The following TPO variants were observed in gnomAD, a reference collection of about 807,000 sequenced individuals.
TPO encodes the protein thyroid peroxidase, also known as thyroid microsomal antigen.
Under a neutral mutation model 96.9 loss-of-function variants are expected in TPO, and 78 were observed. The observed-to-expected ratio is 0.81, with a 90% CI of 0.67 to 0.97. The LOEUF (loss-of-function observed/expected upper bound fraction) is 0.97. TPO is among the 50% of genes least tolerant of loss of function. The pLI is 0.00. For missense variants in TPO, 1,252 were observed against 1,274.8 expected (o/e 0.98, Z 0.27); for synonymous variants, 547 against 538.0 (o/e 1.02, Z -0.23).
intron 1 of TPO, among the ~76,000 whole-genome samples, chr2:1,390,385 T>C (rs1157493476): frequency 6.6e-6 from 1 of 152,204 alleles, no homozygotes; most frequent in African/African-American, 2.4e-5. Flanking sequence ...CCATGGTGTA[T>C]ATGTGCCACA....
intron 1 of TPO, among the ~76,000 whole-genome samples, chr2:1,387,324 T>A (rs1475312823): frequency 6.6e-6 from 1 of 152,256 alleles, no homozygotes; most frequent in Non-Finnish European, 1.5e-5. Flanking sequence ...TTGGTTCCAT[T>A]GTCCCCATCA....
chr2:1,394,242 T>C (rs998838831), intron 1 of TPO, among the ~76,000 whole-genome samples: 4 of 152,214 alleles, frequency 2.6e-5, no homozygotes, highest in African/African-American at 4.8e-5. Context: ...ACACAAATAT[T>C]GACATCTTAT....
intron 14 of TPO, among the ~76,000 whole-genome samples, chr2:1,509,282 T>C (rs2125036563): frequency 6.6e-6 from 1 of 152,320 alleles, no homozygotes; most frequent in African/African-American, 2.4e-5. Context: ...TTACATCTGC[T>C]GAGGAGAGGC....
chr2:1,384,005 T>A (rs1230250302), intron 1 of TPO, among the ~76,000 whole-genome samples: 2 of 152,244 alleles, frequency 1.3e-5, no homozygotes, highest in East Asian at 3.8e-4. Context: ...TTTTGTCAGG[T>A]TTGTCAAAGA....
At position 1,513,153 on chromosome 2, in the gene TPO, C is replaced by T. The variant is rs1481039292; in HGVS notation, c.2519-3730C>T. On this transcript the variant is annotated intron_variant, in intron 14 of 16. Transcript: ENST00000329066. ...AGCTCTGTCACTGCTGGCTGGAACA[C>T]CCAAAAGGGTGATGGACATGGCTGT... Among the ~76,000 whole-genome samples, 3 of 152,226 alleles carry T rather than the reference C, an allele frequency of 2.0e-5. 1 individual carries two copies. The highest frequency in any genetic ancestry group is 6.5e-5 in the Admixed American group (1 of 15,280).
chr2:1,530,152 A>C (rs1270515786), intron 15 of TPO, among the ~76,000 whole-genome samples: 3 of 36,042 alleles, frequency 8.3e-5, no homozygotes, highest in Non-Finnish European at 4.7e-5. Flanking sequence ...CTCCCCCACT[A>C]TGTGCAACCT....
chr2:1,419,356 C>T (rs1037845354), intron 2 of TPO, among the ~76,000 whole-genome samples: 2 of 152,240 alleles, frequency 1.3e-5, no homozygotes, highest in Non-Finnish European at 2.9e-5. Context: ...GAAGGAAGGG[C>T]GCTGCAGAGC....
At chr2:1,393,973 A>G (rs1662042835) in intron 1 of TPO, among the ~76,000 whole-genome samples, 1 of 152,216 alleles carries the variant, frequency 6.6e-6, no homozygotes, top group African/African-American at 2.4e-5. Context: ...GTTGATGTTT[A>G]TGTGTCAAGG....
In TPO at chr2:1,493,055, G is replaced by A. The variant is rs76281079; in HGVS notation, c.1769-747G>A. ...GACCATGGACGGGGGCCTGGGCAGG[G>A]AGCAGCTGAGGCGTGGGTCAGTGAG... On this transcript the variant is annotated intron_variant, in intron 10 of 16. Transcript: ENST00000329066. Among the ~76,000 whole-genome samples the A allele has an allele frequency of 3.5e-3, 527 of 152,234 alleles. 1 individual carries two copies. The highest frequency in any genetic ancestry group is 0.017 in the Middle Eastern group (5 of 294).
At chr2:1,380,624 A>G (rs1045592519) in intron 1 of TPO, among the ~76,000 whole-genome samples, 4 of 152,178 alleles carry the variant, frequency 2.6e-5, no homozygotes, top group Non-Finnish European at 4.4e-5. Context: ...TTACCTAAAA[A>G]CTGAAGTGAC....
chr2:1,465,002 A>G (rs1005889532), intron 7 of TPO, among the ~76,000 whole-genome samples: 13 of 152,274 alleles, frequency 8.5e-5, no homozygotes, highest in African/African-American at 2.4e-4. Context: ...AATTTTTCCA[A>G]TGTTATCTTC....
At chr2:1,513,155 C>A (rs577784675) in intron 14 of TPO, among the ~76,000 whole-genome samples, 1 of 152,222 alleles carries the variant, frequency 6.6e-6, no homozygotes, top group Non-Finnish European at 1.5e-5. Flanking sequence ...CTGGAACACC[C>A]AAAAGGGTGA....
intron 1 of TPO, among the ~76,000 whole-genome samples, chr2:1,393,614 T>TC (rs1662037623): frequency 2.0e-5 from 3 of 152,094 alleles, no homozygotes; most frequent in Admixed American, 1.3e-4. Flanking sequence ...TCAATGCTCT[T>TC]CCAAATAAGG....
intron 1 of TPO, among the ~76,000 whole-genome samples, chr2:1,400,036 T>G (rs1030724988): frequency 1.3e-5 from 2 of 152,228 alleles, no homozygotes; most frequent in African/African-American, 2.4e-5. Context: ...GTGGACATTC[T>G]TGACCTTTAT....
chr2:1,467,107 A>AT lies in TPO; in HGVS notation c.820-9966dup, dbSNP rs556928051. 7.3e-3 allele frequency among the ~76,000 whole-genome samples: 1,064 copies of AT among 146,270 alleles called. 13 individuals are homozygous for AT. The highest frequency in any genetic ancestry group is 0.023 in the African/African-American group (921 of 40,054). The stretch of plus-strand genomic sequence containing the variant: ...TCATTATTGTCATTCAGTTCAAAGA[A>AT]TTTTTTTTTTTTTGAGATGGAGTTT... On this transcript the variant is annotated intron_variant, in intron 7 of 16. Transcript: ENST00000329066.
chr2:1,406,126 G>A lies in TPO; in HGVS notation n.180+31724G>A, dbSNP rs562083131. Among the ~76,000 whole-genome samples the A allele has an allele frequency of 3.9e-5, 6 of 152,310 alleles. No individual in the cohort carries two copies. The South Asian group carries it at 1.2e-3, about 32-fold the overall frequency. ...AACGCACATTGCATCATTTTCTGGG[G>A]AAGCTCAATGCCTGCAAGTTGGGAG... On this transcript the variant is annotated intron_variant and non_coding_transcript_variant, in intron 1 of 5. Transcript: ENST00000497517.
upstream of TPO, among the ~76,000 whole-genome samples, chr2:1,412,714 T>C (rs1328828264): frequency 2.6e-5 from 4 of 152,110 alleles, no homozygotes; most frequent in Non-Finnish European, 5.9e-5. Flanking sequence ...TAGAAACCCA[T>C]AGGACTTCCG....
Position 1,390,010 on chromosome 2 carries a change from CTTTCT to C in TPO, n.180+15617_180+15621del, listed in dbSNP as rs1176954868. Among the ~76,000 whole-genome samples the C allele has an allele frequency of 1.2e-4, 18 of 145,226 alleles. No individual in the cohort carries two copies. The South Asian group carries it at 3.1e-3, about 25-fold the overall frequency. On this transcript the variant is annotated intron_variant and non_coding_transcript_variant, in intron 1 of 5. Transcript: ENST00000497517. ...CATACAAGAGGTTAAGTGGTTATTTCTTTCTTTTCTTTTTTTTTTTTTTTAATACT... is the reference window on the plus strand; with the variant it reads ...CATACAAGAGGTTAAGTGGTTATTTCTTTCTTTTTTTTTTTTTTTAATACT...
At chr2:1,536,750 C>A (rs1389113340) in intron 15 of TPO, among the ~76,000 whole-genome samples, 1 of 124,462 alleles carries the variant, frequency 8.0e-6, no homozygotes, top group Non-Finnish European at 1.7e-5. Context: ...TGTGCAACCT[C>A]CCCAAATCCC....
Sources: gnomAD v4.1 joint callset for allele counts (sites outside exome capture counted in the v4.1 genomes callset) on GRCh38, gnomAD v4.1.1 for gene constraint, MANE v1.5 for transcripts, NCBI Gene and HGNC (gene_info 2026-07-23, HGNC 2026-07-21) for gene names.